C12orf42: variants seen among roughly 807,000 people sequenced by gnomAD.
C12orf42 encodes the protein uncharacterized protein C12orf42.
A neutral mutation model predicts 21.6 loss-of-function variants in C12orf42; 25 were observed. The ratio of observed to expected loss-of-function variants is 1.16; its 90% CI spans 0.84 to 1.62. The LOEUF is 1.62. Ranked by LOEUF, C12orf42 falls within the 40% of genes most tolerant of loss-of-function variation. C12orf42 has a pLI of 0.00. For missense variants in C12orf42, 483 were observed against 459.3 expected, an observed-to-expected ratio of 1.05 and a Z score of -0.47; for synonymous variants, 174 against 175.0, an observed-to-expected ratio of 0.99 and a Z score of 0.05.
At chr12:103,251,891 G>A (rs2136196092) in intron 10 of C12orf42, among the ~76,000 whole-genome samples, 3 of 152,202 alleles carry the variant, frequency 2.0e-5, no homozygotes, top group Middle Eastern at 6.8e-3. Flanking sequence ...TCTTAACACT[G>A]ACCACCAAGG....
chr12:103,301,650 A>G (rs1360973657), downstream of C12orf42, among the ~76,000 whole-genome samples: 3 of 152,202 alleles, frequency 2.0e-5, no homozygotes, highest in Admixed American at 6.5e-5. Flanking sequence ...ATCAGGAGTA[A>G]TCAAATTTCA....
chr12:103,475,459 TACCA>T (rs1371648128), intron 2 of C12orf42, among the ~76,000 whole-genome samples: 1 of 152,342 alleles, frequency 6.6e-6, no homozygotes, highest in East Asian at 1.9e-4. Flanking sequence ...TGTTCAACAA[TACCA>T]GTGCATGACA....
downstream of C12orf42, among the ~76,000 whole-genome samples, chr12:103,299,454 T>C (rs1369293166): frequency 6.6e-6 from 1 of 152,128 alleles, no homozygotes; most frequent in Non-Finnish European, 1.5e-5. Context: ...CAAATTTTTA[T>C]ATTTCTCAAT....
chr12:103,283,290 A>T (rs1203823358), intron 4 of C12orf42, among the ~76,000 whole-genome samples: 1 of 152,146 alleles, frequency 6.6e-6, no homozygotes, highest in Non-Finnish European at 1.5e-5. Context: ...CCATTTCTAC[A>T]ATCACTGTCT....
At chr12:103,357,144 T>C (rs2043652265) in intron 4 of C12orf42, among the ~76,000 whole-genome samples, 2 of 89,428 alleles carry the variant, frequency 2.2e-5, no homozygotes, top group Admixed American at 1.5e-4. Context: ...CTGGGGACTG[T>C]TGTGGGGTGG....
At chr12:103,278,007 A>AT (rs1275238091) in intron 4 of C12orf42, among the ~76,000 whole-genome samples, 1 of 152,186 alleles carries the variant, frequency 6.6e-6, no homozygotes, top group Non-Finnish European at 1.5e-5. Context: ...ATATTGAAAG[A>AT]TTTTTAAAAG....
chr12:103,406,760 G>A (rs1215807853), intron 2 of C12orf42, among the ~76,000 whole-genome samples: 2 of 152,102 alleles, frequency 1.3e-5, no homozygotes, highest in Admixed American at 6.6e-5. Flanking sequence ...GACCTAAGGA[G>A]AAGATTTAGA....
intron 10 of C12orf42, among the ~76,000 whole-genome samples, chr12:103,243,344 A>G (rs2033847184): frequency 6.6e-6 from 1 of 152,080 alleles, no homozygotes; most frequent in Non-Finnish European, 1.5e-5. Context: ...ATTATTATAT[A>G]ATGTATATGA....
intron 10 of C12orf42, among the ~76,000 whole-genome samples, chr12:103,260,630 T>A (rs923764149): frequency 2.0e-5 from 3 of 152,236 alleles, no homozygotes; most frequent in East Asian, 3.8e-4. Flanking sequence ...GAGCCCAAGT[T>A]AAAACATCCA....
chr12:103,062,079 A>G, the C12orf42 span, among the ~76,000 whole-genome samples: 1 of 151,938 alleles, frequency 6.6e-6, no homozygotes, highest in African/African-American at 2.4e-5. Context: ...GAATGGTTTC[A>G]CCACTTCCAA....
chr12:103,425,713 C>T (rs989125103), intron 2 of C12orf42, among the ~76,000 whole-genome samples: 2 of 151,550 alleles, frequency 1.3e-5, no homozygotes, highest in African/African-American at 4.9e-5. Context: ...GCCGCCCCTT[C>T]CCCTAGGTGC....
intron 3 of C12orf42, among the ~76,000 whole-genome samples, chr12:103,380,254 TAAG>T (rs1276221807): frequency 1.3e-5 from 2 of 152,130 alleles, no homozygotes; most frequent in Non-Finnish European, 1.5e-5. Flanking sequence ...TTCTAACAAA[TAAG>T]AAGTAGACCA....
chr12:103,411,848 C>T (rs6539073), intron 2 of C12orf42, among the ~76,000 whole-genome samples: 96,129 of 152,042 alleles, frequency 0.63, 31,176 homozygotes, highest in Admixed American at 0.73. Flanking sequence ...CATGTGTGCA[C>T]ATGCATGCAC....
intron 4 of C12orf42, among the ~76,000 whole-genome samples, chr12:103,359,170 T>C (rs1208740209): frequency 6.6e-6 from 1 of 152,104 alleles, no homozygotes; most frequent in East Asian, 1.9e-4. Context: ...TCTTGGGTTA[T>C]TCTCATTCAA....
At chr12:103,261,126 C>T (rs2034879479) in intron 10 of C12orf42, among the ~76,000 whole-genome samples, 1 of 151,976 alleles carries the variant, frequency 6.6e-6, no homozygotes, top group South Asian at 2.1e-4. Context: ...ATTAAACACC[C>T]TAAGAGCAAT....
chr12:103,478,554 A>G (rs544416682), intron 1 of C12orf42, 107 bp from the exon 2 acceptor site: 1 of 484,474 alleles, frequency 2.1e-6, no homozygotes, highest in South Asian at 4.3e-5. Context: ...ATCCATGAAC[A>G]TAGTATTTCT....
intron 1 of C12orf42, among the ~76,000 whole-genome samples, chr12:103,480,819 A>T (rs1954414393): frequency 6.6e-6 from 1 of 151,636 alleles, no homozygotes; most frequent in Admixed American, 6.6e-5. Flanking sequence ...CATGTAGCCA[A>T]TTTTAATAAA....
intron 4 of C12orf42, among the ~76,000 whole-genome samples, chr12:103,350,324 T>C (rs1364274183): frequency 6.6e-6 from 1 of 152,186 alleles, no homozygotes; most frequent in Non-Finnish European, 1.5e-5. Context: ...ATCACCCCTT[T>C]GTCCAGTGTA....
chr12:103,497,738 A>G (rs1955601278), upstream of C12orf42, among the ~76,000 whole-genome samples: 1 of 152,204 alleles, frequency 6.6e-6, no homozygotes. Context: ...ACAGATTTTA[A>G]AAGAAAGAAA....
Sources: gnomAD v4.1 joint callset for allele counts (sites outside exome capture counted in the v4.1 genomes callset) on GRCh38, gnomAD v4.1.1 for gene constraint, MANE v1.5 for transcripts, NCBI Gene and HGNC (gene_info 2026-07-23, HGNC 2026-07-21) for gene names.